BAZ2B: variants seen among roughly 807,000 people sequenced by gnomAD.
The protein encoded by BAZ2B is bromodomain adjacent to zinc finger domain 2B, also known as bromodomain adjacent to zinc finger domain protein 2B.
Under a neutral mutation model 246.0 loss-of-function variants are expected in BAZ2B, and 91 were observed. The observed-to-expected ratio is 0.37, with a 90% CI of 0.31 to 0.44. The LOEUF is 0.44. Ranked by LOEUF, BAZ2B falls within the 20% of genes least tolerant of loss-of-function variation. The pLI is 1.00. For synonymous variants in BAZ2B, 855 were observed against 860.0 expected, an observed-to-expected ratio of 0.99 and a Z score of 0.10; for missense variants, 2,332 against 2,533.7, an observed-to-expected ratio of 0.92 and a Z score of 1.71.
intron 13 of BAZ2B, among the ~76,000 whole-genome samples, chr2:159,427,146 C>T (rs1265425693): frequency 2.0e-5 from 3 of 152,026 alleles, no homozygotes; most frequent in Non-Finnish European, 2.9e-5. Flanking sequence ...TTCAGAATTA[C>T]AAGAGTATTT....
intron 13 of BAZ2B, among the ~76,000 whole-genome samples, chr2:159,416,316 A>C (rs2067702845): frequency 6.6e-6 from 1 of 152,238 alleles, no homozygotes; most frequent in Non-Finnish European, 1.5e-5. Context: ...ATAGTTGTAC[A>C]AAGTGTACTT....
chr2:159,610,022 G>A lies in BAZ2B; in HGVS notation c.-46+6220C>T, dbSNP rs562778520. On this transcript the variant is annotated intron_variant, in intron 1 of 36. Coordinates refer to ENST00000392783, the MANE Select transcript of BAZ2B (RefSeq NM_013450.4). ...AGCTGTGTTAAGGATACAAATAGCA[G>A]TAAGCTTCTGAACAAATAGGACCGA... Among the ~76,000 whole-genome samples, 9 of 152,282 alleles carry A rather than the reference G, an allele frequency of 5.9e-5. No homozygotes were observed. In the South Asian group the frequency reaches 1.7e-3, roughly 28 times the overall value.
chr2:159,688,703 T>A, the BAZ2B span, among the ~76,000 whole-genome samples: 1 of 152,218 alleles, frequency 6.6e-6, no homozygotes, highest in Non-Finnish European at 1.5e-5. Flanking sequence ...TCTTTGGACT[T>A]CTTTGATCTG....
At chr2:159,602,542 A>G (rs1244030457) in intron 1 of BAZ2B, among the ~76,000 whole-genome samples, 1 of 152,236 alleles carries the variant, frequency 6.6e-6, no homozygotes, top group Non-Finnish European at 1.5e-5. Context: ...TTACATCTAT[A>G]GTATGGTTAT....
intron 16 of BAZ2B, among the ~76,000 whole-genome samples, chr2:159,402,605 G>C (rs564923594): frequency 6.6e-6 from 1 of 152,124 alleles, no homozygotes; most frequent in Non-Finnish European, 1.5e-5. Flanking sequence ...GTATACTCTT[G>C]ATCTGACTTT....
chr2:159,571,813 A>T (rs1684080789), intron 1 of BAZ2B, among the ~76,000 whole-genome samples: 2 of 152,206 alleles, frequency 1.3e-5, no homozygotes, highest in South Asian at 4.1e-4. Context: ...CCCGAGATAA[A>T]GAGAGGATAT....
At chr2:159,587,379 G>C (rs1347404078) in intron 1 of BAZ2B, among the ~76,000 whole-genome samples, 1 of 151,978 alleles carries the variant, frequency 6.6e-6, no homozygotes, top group African/African-American at 2.4e-5. Flanking sequence ...CACGCTCGAC[G>C]CAACTTTCTT....
At chr2:159,709,778 T>C in the BAZ2B span, among the ~76,000 whole-genome samples, 1 of 152,188 alleles carries the variant, frequency 6.6e-6, no homozygotes, top group African/African-American at 2.4e-5. Context: ...TGAAAGAGCA[T>C]TCTAAGCTAT....
At position 159,337,582 on chromosome 2, in the gene BAZ2B, C is replaced by T. The variant is rs200039167; in HGVS notation, c.5645G>A (p.Arg1882Gln). The change falls in exon 32 of 37, where the codon CGG becomes CAG. Residue 1882 changes from arginine to glutamine, a missense_variant. Around this residue, in one of 9 missense-constraint regions of BAZ2B, gnomAD observed 8 missense variants for 26.8 expected, o/e 0.30. Transcript: ENST00000392783. ...IAVTRLADLE[R>Q]NIERRIEEDI... is the part of the protein sequence containing the mutation. ...CTTCAGATACCTTCTTTCAATGTTC[C>T]GCTCCAAATCAGCCAGCCTGGTTAC... 8.4e-5 allele frequency: 136 copies of T among 1,614,032 alleles called. No individual in the cohort carries two copies. The highest frequency in any genetic ancestry group is 1.1e-4 in the East Asian group (5 of 44,898).
chr2:159,661,963 C>G, the BAZ2B span, among the ~76,000 whole-genome samples: 1 of 152,084 alleles, frequency 6.6e-6, no homozygotes, highest in East Asian at 1.9e-4. Flanking sequence ...CCACCCCCCA[C>G]CCAAAATAAC....
At chr2:159,339,206 C>A (rs1397414428) in intron 31 of BAZ2B, among the ~76,000 whole-genome samples, 1 of 22,846 alleles carries the variant, frequency 4.4e-5, no homozygotes, top group Admixed American at 1.2e-3. Context: ...GCCTCCAATG[C>A]CCTCCCCGTC....
chr2:159,577,983 T>C (rs139569321), intron 1 of BAZ2B, among the ~76,000 whole-genome samples: 1 of 152,300 alleles, frequency 6.6e-6, no homozygotes, highest in East Asian at 1.9e-4. Context: ...TTGTTTTCAC[T>C]TGTCATTAAT....
chr2:159,507,393 T>C (rs2082443388), intron 2 of BAZ2B, among the ~76,000 whole-genome samples: 1 of 152,086 alleles, frequency 6.6e-6, no homozygotes, highest in Non-Finnish European at 1.5e-5. Context: ...AACAATTATA[T>C]CTAGAAAGAA....
chr2:159,589,570 T>G (rs1688823501), intron 1 of BAZ2B, among the ~76,000 whole-genome samples: 1 of 152,200 alleles, frequency 6.6e-6, no homozygotes, highest in East Asian at 1.9e-4. Context: ...TCGCCTTAGT[T>G]TCTAATTCAC....
the BAZ2B span, among the ~76,000 whole-genome samples, chr2:159,672,019 G>C: frequency 2.0e-5 from 3 of 151,724 alleles, no homozygotes; most frequent in African/African-American, 7.3e-5. Context: ...TGTACATATT[G>C]TTATGTTATA....
intron 1 of BAZ2B, among the ~76,000 whole-genome samples, chr2:159,571,792 G>C (rs1578490459): frequency 6.6e-6 from 1 of 152,170 alleles, no homozygotes; most frequent in Non-Finnish European, 1.5e-5. Flanking sequence ...GGATGGAAGG[G>C]CAAGGGAGTG....
rs1321292751 is a variant in BAZ2B at position 159,359,844 on chromosome 2, A to G, written c.4214-9487T>C. 2.6e-5 allele frequency among the ~76,000 whole-genome samples: 4 copies of G among 152,218 alleles called. No homozygotes were observed. In the East Asian group the frequency reaches 7.7e-4, roughly 29 times the overall value. On this transcript the variant is annotated intron_variant, in intron 27 of 36. Transcript: ENST00000392783. ...GTAATCCATCACATAAACAGGACCA[A>G]TGACAAAACCCACATGATTCTCTCA...
intron 1 of BAZ2B, among the ~76,000 whole-genome samples, chr2:159,608,862 G>C (rs1228349709): frequency 6.6e-6 from 1 of 151,914 alleles, no homozygotes; most frequent in African/African-American, 2.4e-5. Context: ...CATTTCTGAA[G>C]CCAAGAAAGA....
At chr2:159,604,952 G>GTGTGTA (rs200705124) in intron 1 of BAZ2B, among the ~76,000 whole-genome samples, 78 of 44,288 alleles carry the variant, frequency 1.8e-3, no homozygotes, top group African/African-American at 4.1e-3. Flanking sequence ...GTGTGTGTGT[G>GTGTGTA]CGCGTGTGTG....
Sources: allele counts gnomAD v4.1 joint callset (sites outside exome capture counted in the v4.1 genomes callset), GRCh38; gene constraint gnomAD v4.1.1; regional missense constraint gnomAD v4.1.1; transcripts MANE v1.5; gene names NCBI Gene and HGNC (gene_info 2026-07-23, HGNC 2026-07-21).